TCF3: variants seen among roughly 807,000 people sequenced by gnomAD.
TCF3 encodes the protein transcription factor E2-alpha.
In TCF3, 54 loss-of-function variants were observed where a neutral mutation model predicts 72.3. That is an observed-to-expected ratio of 0.75 (90% CI 0.60 to 0.94). The LOEUF (loss-of-function observed/expected upper bound fraction) is 0.94, where lower values mean the gene tolerates loss of function less well. Among genes scored for constraint, TCF3 ranks in the 40% least tolerant of loss-of-function variants. The pLI is 0.00. For synonymous variants in TCF3, 525 were observed against 412.6 expected (o/e 1.27, Z -3.30); for missense variants, 1,078 against 934.4 (o/e 1.15, Z -2.00).
Position 1,610,420 on chromosome 19 carries a change from G to A in TCF3, c.*1287C>T, listed in dbSNP as rs994998778. 1 of 229,474 alleles carries A rather than the reference G, an allele frequency of 4.4e-6. No homozygotes were observed. The highest frequency in any genetic ancestry group is 8.6e-6 in the Non-Finnish European group (1 of 115,874). 14.2% of individuals were successfully genotyped at this position (229,474 alleles called of 1,614,324 possible). On this transcript the variant is annotated 3_prime_UTR_variant, in exon 19 of 19. Coordinates refer to ENST00000262965, the MANE Select transcript of TCF3 (RefSeq NM_003200.5). Reference sequence around the variant, plus strand: ...GGCCCTCTGGTGTAATGGGGACATGGTGGGGTGGGGTGGGGGGTGTCCTGT... The same window carrying A: ...GGCCCTCTGGTGTAATGGGGACATGATGGGGTGGGGTGGGGGGTGTCCTGT...
intron 5 of TCF3, among the ~76,000 whole-genome samples, chr19:1,630,338 C>T (rs557522571): frequency 1.3e-5 from 2 of 152,304 alleles, no homozygotes; most frequent in Admixed American, 6.5e-5. Flanking sequence ...CAGACACACC[C>T]GCCAGACCTT....
rs532900820 is a variant in TCF3, at chr19:1,646,488, G to A, written c.73-61C>T. On this transcript the variant is annotated intron_variant, in intron 2 of 18. Coordinates refer to ENST00000262965, the MANE Select transcript of TCF3 (RefSeq NM_003200.5). ...GTGGCAAACCAAACCCTACAGTCCC[G>A]GGTTCAAACCCAAGCTGGGAGCAGA... The A allele has an allele frequency of 2.8e-5, 41 of 1,479,052 alleles. 1 individual carries two copies. Among genetic ancestry groups the A allele is most frequent in the Middle Eastern group, 3.5e-4 (2 of 5,708 alleles). The allele number at this position is 1,479,052 out of a possible 1,614,324, so 91.6% of individuals were successfully genotyped here.
chr19:1,642,230 A>G (rs2065398883), intron 3 of TCF3, among the ~76,000 whole-genome samples: 1 of 151,670 alleles, frequency 6.6e-6, no homozygotes, highest in Non-Finnish European at 1.5e-5. Context: ...ACGCACAGAC[A>G]CGCACGCGCA....
At chr19:1,645,440 G>C (rs1600114087) in intron 3 of TCF3, among the ~76,000 whole-genome samples, 1 of 152,218 alleles carries the variant, frequency 6.6e-6, no homozygotes, top group East Asian at 1.9e-4. Context: ...ACCATCCAGG[G>C]CTCCCCGCTG....
At position 1,615,186 on chromosome 19, in the gene TCF3, G is replaced by T; in HGVS notation, c.1822+99C>A. ...CAAGGAGGCAACTGCTGCAGAGGGA[G>T]GGCTGGCTCCAGGAAGGCGGGCGGG... On this transcript the variant is annotated intron_variant, in intron 18 of 18. Transcript: ENST00000262965. The surrounding 1 kb of genome is among the most constrained non-coding windows in gnomAD (Gnocchi z 7.3). The T allele has an allele frequency of 1.4e-6, 2 of 1,412,490 alleles. No individual in the cohort carries two copies. The highest frequency in any genetic ancestry group is 1.4e-5 in the South Asian group (1 of 71,226). The allele number at this position is 1,412,490 out of a possible 1,614,324, so 87.5% of individuals were successfully genotyped here.
intron 6 of TCF3, 150 bp downstream of exon 6, chr19:1,627,209 C>CCCCCCCCCCCTGCCCCA: frequency 6.3e-6 from 3 of 479,960 alleles, no homozygotes; most frequent in Non-Finnish European, 7.6e-6. Flanking sequence ...CACACCCACC[C>CCCCCCCCCCCTGCCCCA]AGCCCACCCT....
rs1185434990 is a variant in TCF3, at chr19:1,615,657, G to A, written c.1586+29C>T. ...ACATGTGCGTCCTGATGGGGTGAGG[G>A]TGGGGAGTGCCGAGGGGTGGGTTGG... is the stretch of plus-strand genomic sequence containing the variant. On this transcript the variant is annotated intron_variant, in intron 17 of 18. Transcript: ENST00000262965. The surrounding 1 kb of genome is among the most constrained non-coding windows in gnomAD (Gnocchi z 7.3). The A allele has an allele frequency of 2.5e-6, 4 of 1,612,916 alleles. No individual in the cohort carries two copies. Among genetic ancestry groups the A allele is most frequent in the African/African-American group, 2.7e-5 (2 of 74,886 alleles).
At chr19:1,640,131 C>T (rs2065028070) in intron 3 of TCF3, among the ~76,000 whole-genome samples, 1 of 152,298 alleles carries the variant, frequency 6.6e-6, no homozygotes, top group Non-Finnish European at 1.5e-5. Context: ...GAAAGACAGG[C>T]GCCTCCAAAC....
rs2062800250 is a variant in TCF3, at chr19:1,625,699, G to A, written c.376C>T (p.Leu126=). 2.0e-6 allele frequency: 3 copies of A among 1,513,786 alleles called. No homozygotes were observed. The highest frequency in any genetic ancestry group is 2.7e-5 in the East Asian group (1 of 37,394). The allele number at this position is 1,513,786 out of a possible 1,614,324, so 93.8% of individuals were successfully genotyped here. A position where few individuals can be genotyped will look rare whatever the true frequency, so the allele number is the denominator to read the frequency against. The change falls in exon 7 of 19, where the codon CTG becomes TTG. Residue 126 remains leucine, a synonymous_variant. Transcript: ENST00000262965. ...GVGGLTQAGF[L]SGELALNSPG... Reference sequence around the variant, plus strand: ...CTGTTGAGGGCCAGCTCGCCTGACAGGAAGCCAGCCTGGTGGGGAGCGGAT... The same window carrying A: ...CTGTTGAGGGCCAGCTCGCCTGACAAGAAGCCAGCCTGGTGGGGAGCGGAT...
rs568278775 is a variant in TCF3, at chr19:1,619,936, C to A, written c.1094-83G>T. On this transcript the variant is annotated intron_variant, in intron 13 of 18. Transcript: ENST00000262965. ...ATGCCCATGGGGAGGGATTCATGAA[C>A]CACCCCGCCTGTCCAGCCTCCGGTG... The A allele has an allele frequency of 8.0e-4, 979 of 1,222,598 alleles. 1 individual carries two copies. Among genetic ancestry groups the A allele is most frequent in the Non-Finnish European group, 1.0e-3 (902 of 864,344 alleles). The allele number at this position is 1,222,598 out of a possible 1,614,324, so 75.7% of individuals were successfully genotyped here. A position where few individuals can be genotyped will look rare whatever the true frequency, so the allele number is the denominator to read the frequency against.
Position 1,646,413 on chromosome 19 carries a change from A to C in TCF3, c.87T>G (p.Pro29=). 1.3e-6 allele frequency: 2 copies of C among 1,548,798 alleles called. No individual in the cohort carries two copies. Among genetic ancestry groups the C allele is most frequent in the Non-Finnish European group, 1.7e-6 (2 of 1,145,838 alleles). ...CGGGCCGGCCCTTCCCGTTGGTGAC[A>C]GGCAGCGGGAACATCTGCAGGGAGG... is the stretch of plus-strand genomic sequence containing the variant. The part of the protein sequence containing the change: ...LLDFSMMFPL[P]VTNGKGRPAS... The change falls in exon 3 of 19, where the codon CCT becomes CCG. Residue 29 remains proline (P), a synonymous_variant. Coordinates refer to ENST00000262965, the MANE Select transcript of TCF3 (RefSeq NM_003200.5).
Position 1,629,744 on chromosome 19 carries a change from G to C in TCF3, c.298+2294C>G, listed in dbSNP as rs563682403. ...TGACTGGGGCTGCTGTGAGGGGCTG[G>C]GACGCGCGATCGAGTAATGTACATT... On this transcript the variant is annotated intron_variant, in intron 5 of 18. Coordinates refer to ENST00000262965, the MANE Select transcript of TCF3 (RefSeq NM_003200.5). Among the ~76,000 whole-genome samples the C allele has an allele frequency of 3.3e-5, 5 of 152,288 alleles. No individual in the cohort carries two copies. The East Asian group carries it at 9.6e-4, about 29-fold the overall frequency.
At chr19:1,627,558 G>A in intron 5 of TCF3, 132 bp from the exon 6 acceptor site, 1 of 784,404 alleles carries the variant, frequency 1.3e-6, no homozygotes, top group Admixed American at 2.3e-5. Flanking sequence ...GCAGGATGCT[G>A]GCAGAGCCTG....
intron 3 of TCF3, among the ~76,000 whole-genome samples, chr19:1,635,471 C>G (rs1190750982): frequency 1.3e-5 from 2 of 152,144 alleles, no homozygotes; most frequent in Admixed American, 1.3e-4. Context: ...TCACCACTCT[C>G]CTCTTCCCCA....
chr19:1,640,260 G>C (rs2065044430), intron 3 of TCF3, among the ~76,000 whole-genome samples: 1 of 152,186 alleles, frequency 6.6e-6, no homozygotes, highest in East Asian at 1.9e-4. Flanking sequence ...ATGAGGCCGG[G>C]CTCGGTGGCT....
At chr19:1,646,547 C>T in intron 2 of TCF3, 120 bp from the exon 3 acceptor site, 1 of 852,056 alleles carries the variant, frequency 1.2e-6, no homozygotes, top group Non-Finnish European at 1.8e-6. Flanking sequence ...GACTGCGCTC[C>T]ATCTAGGCCC....
In TCF3 at chr19:1,630,377, C is replaced by G. The variant is rs573414503; in HGVS notation, c.298+1661G>C. Among the ~76,000 whole-genome samples, 126 of 152,312 alleles carry G rather than the reference C, an allele frequency of 8.3e-4. 1 individual carries two copies. Among genetic ancestry groups the G allele is most frequent in the African/African-American group, 3.0e-3 (123 of 41,564 alleles). ...GCTATTCGCTTCCTACTCAGGACACCAACTGACTCTACTGTACTCCAAGTT... is the reference window on the plus strand; with the variant it reads ...GCTATTCGCTTCCTACTCAGGACACGAACTGACTCTACTGTACTCCAAGTT... On this transcript the variant is annotated intron_variant, in intron 5 of 18. Transcript: ENST00000262965.
In TCF3 at chr19:1,615,437, C is replaced by T. The variant is rs2145853075; in HGVS notation, c.1670G>A (p.Arg557Gln). ...GATGTCACGGACCCGCAGCCGCTCC[C>T]GGGCGTTATTGGCCACCCGGCGCTC... ...EKERRVANNA[R>Q]ERLRVRDINE... Residue 557 changes from arginine (R) to glutamine (Q), a missense_variant, in exon 18 of 19, where the codon CGG becomes CAG. Physicochemically the swap from Arg to Gln is conservative, Grantham distance 43. Coordinates refer to ENST00000262965, the MANE Select transcript of TCF3 (RefSeq NM_003200.5). This position sits in a 1 kb window ranked among gnomAD's most constrained non-coding sequence, Gnocchi z 7.3. 6.2e-7 allele frequency: 1 copy of T among 1,613,660 alleles called. No individual in the cohort carries two copies. Among genetic ancestry groups the T allele is most frequent in the Non-Finnish European group, 8.5e-7 (1 of 1,179,980 alleles).
At chr19:1,621,229 C>A in intron 11 of TCF3, 38 bp from the exon 12 acceptor site, 4 of 1,525,822 alleles carry the variant, frequency 2.6e-6, no homozygotes, top group Non-Finnish European at 3.5e-6. Context: ...GCAGCCCGGC[C>A]TGGGTGCTGC....
Sources: allele counts gnomAD v4.1 joint callset (sites outside exome capture counted in the v4.1 genomes callset), GRCh38; gene constraint gnomAD v4.1.1; non-coding constraint Gnocchi (gnomAD v3.1); transcripts MANE v1.5; gene names NCBI Gene and HGNC (gene_info 2026-07-23, HGNC 2026-07-21).